TAOK1: variants seen among roughly 807,000 people sequenced by gnomAD.
TAOK1 encodes the protein serine/threonine-protein kinase TAO1.
A neutral mutation model predicts 138.3 loss-of-function variants in TAOK1; 21 were observed. The ratio of observed to expected loss-of-function variants is 0.15; its 90% CI spans 0.11 to 0.22. The LOEUF is 0.22. Among genes scored for constraint, TAOK1 ranks in the 10% least tolerant of loss-of-function variants. The probability of loss-of-function intolerance (pLI) is 1.00; values close to 1 mark genes in which losing one functional copy is unlikely to be tolerated. For missense variants in TAOK1, 651 were observed against 1,227.7 expected (o/e 0.53, Z 7.02); for synonymous variants, 361 against 398.4 (o/e 0.91, Z 1.12).
chr17:29,409,308 CATATATAT>C (rs1183993280), intron 1 of TAOK1, among the ~76,000 whole-genome samples: 12 of 79,492 alleles, frequency 1.5e-4, no homozygotes, highest in East Asian at 1.2e-3. Flanking sequence ...TTTTTATGGA[CATATATAT>C]ATATATATAT....
intron 2 of TAOK1, among the ~76,000 whole-genome samples, chr17:29,464,042 C>T (rs1184254811): frequency 6.6e-6 from 1 of 152,078 alleles, no homozygotes; most frequent in Admixed American, 6.6e-5. Context: ...TATATGATTA[C>T]ATTTGTATGA....
chr17:29,467,276 C>A, intron 3 of TAOK1, 60 bp downstream of exon 3: 2 of 1,101,478 alleles, frequency 1.8e-6, no homozygotes, highest in Non-Finnish European at 2.6e-6. Context: ...TAAATATATA[C>A]ATTCTTTTTT....
intron 1 of TAOK1, among the ~76,000 whole-genome samples, chr17:29,399,677 G>A (rs576862266): frequency 6.6e-6 from 1 of 152,116 alleles, no homozygotes; most frequent in Non-Finnish European, 1.5e-5. Context: ...AGAATATCAA[G>A]GTAGCTTAGT....
chr17:29,421,022 C>T (rs1905426425), intron 1 of TAOK1, among the ~76,000 whole-genome samples: 1 of 152,122 alleles, frequency 6.6e-6, no homozygotes, highest in East Asian at 1.9e-4. Context: ...CTCTGCCTCC[C>T]AGGTTCAAGT....
At chr17:29,535,330 T>A (rs2032204644) in intron 19 of TAOK1, among the ~76,000 whole-genome samples, 1 of 151,570 alleles carries the variant, frequency 6.6e-6, no homozygotes, top group South Asian at 2.1e-4. Flanking sequence ...AATAAATAAA[T>A]AAAACAGTGG....
At chr17:29,408,616 AAT>A (rs967022221) in intron 1 of TAOK1, among the ~76,000 whole-genome samples, 21 of 152,046 alleles carry the variant, frequency 1.4e-4, no homozygotes, top group African/African-American at 4.8e-4. Flanking sequence ...TCACTTTAAT[AAT>A]AGAGTAATTT....
intron 18 of TAOK1, among the ~76,000 whole-genome samples, chr17:29,531,290 A>T (rs570931071): frequency 3.1e-4 from 47 of 149,674 alleles, no homozygotes; most frequent in South Asian, 1.9e-3. Flanking sequence ...TTATTTATTT[A>T]TTTTTTTAGA....
chr17:29,399,839 C>G (rs963165815), intron 1 of TAOK1, among the ~76,000 whole-genome samples: 1 of 152,106 alleles, frequency 6.6e-6, no homozygotes, highest in Non-Finnish European at 1.5e-5. Flanking sequence ...TAGCGATCCT[C>G]TCACCTCAGC....
At chr17:29,538,618 A>G (rs1268961448) in intron 19 of TAOK1, among the ~76,000 whole-genome samples, 1 of 152,236 alleles carries the variant, frequency 6.6e-6, no homozygotes, top group Non-Finnish European at 1.5e-5. Flanking sequence ...CTGAAAATAA[A>G]TAGAAATGGA....
rs536451803 is a variant in TAOK1, at chr17:29,406,361, G to GA, written c.-95+15346dup. On this transcript the variant is annotated intron_variant, in intron 1 of 19. Coordinates refer to ENST00000261716, the MANE Select transcript of TAOK1 (RefSeq NM_020791.4). ...GGGAGTGAGATTTTATATGGGTCTTGAAAAAAAAATAAAAGTACAAAGGGT... is the reference window on the plus strand; with the variant it reads ...GGGAGTGAGATTTTATATGGGTCTTGAAAAAAAAAATAAAAGTACAAAGGGT... Among the ~76,000 whole-genome samples the GA allele has an allele frequency of 1.4e-3, 216 of 149,384 alleles. 1 individual carries two copies. Among genetic ancestry groups the GA allele is most frequent in the South Asian group, 6.6e-3 (31 of 4,712 alleles).
intron 1 of TAOK1, among the ~76,000 whole-genome samples, chr17:29,429,209 T>A (rs74612045): frequency 6.6e-6 from 1 of 152,324 alleles, no homozygotes; most frequent in African/African-American, 2.4e-5. Context: ...TTGTTTTTAC[T>A]TAATAATTTC....
At chr17:29,509,231 G>A (rs754941865) in intron 14 of TAOK1, among the ~76,000 whole-genome samples, 7 of 151,934 alleles carry the variant, frequency 4.6e-5, no homozygotes, top group African/African-American at 1.5e-4. Context: ...GTGCAGTGGT[G>A]TGATCTCAGC....
chr17:29,415,158 C>T (rs895889621), intron 1 of TAOK1, among the ~76,000 whole-genome samples: 4 of 151,896 alleles, frequency 2.6e-5, no homozygotes, highest in Admixed American at 6.6e-5. Flanking sequence ...TTAGTAGAGA[C>T]GGGGTTTCGT....
intron 1 of TAOK1, among the ~76,000 whole-genome samples, chr17:29,399,183 C>T (rs1420945308): frequency 2.0e-5 from 3 of 151,766 alleles, no homozygotes; most frequent in Non-Finnish European, 4.4e-5. Flanking sequence ...TGGGGTTTTG[C>T]CATGTTGCCT....
At chr17:29,528,602 G>C (rs946756378) in intron 17 of TAOK1, among the ~76,000 whole-genome samples, 4 of 151,996 alleles carry the variant, frequency 2.6e-5, no homozygotes. Context: ...CACTTTGGGA[G>C]GCCAAGGTGG....
chr17:29,495,749 C>G, intron 11 of TAOK1, 22 bp downstream of exon 11: 1 of 1,545,212 alleles, frequency 6.5e-7, no homozygotes, highest in South Asian at 1.3e-5. Context: ...AAAAATGACT[C>G]CAATATTGAA....
rs529246070 is a variant in TAOK1 at position 29,483,355 on chromosome 17, A to G, written c.655+1067A>G. 5.3e-5 allele frequency among the ~76,000 whole-genome samples: 8 copies of G among 152,248 alleles called. No homozygotes were observed. In the South Asian group the frequency reaches 1.7e-3, roughly 32 times the overall value. On this transcript the variant is annotated intron_variant, in intron 8 of 19. Transcript: ENST00000261716. Reference sequence around the variant, plus strand: ...AGCCTCCCGCAGTGGGGGGATTTCAAGCATGAGCCACTGCGCTCATCTAAA... The same window carrying G: ...AGCCTCCCGCAGTGGGGGGATTTCAGGCATGAGCCACTGCGCTCATCTAAA...
At chr17:29,482,047 T>C (rs977804796) in intron 7 of TAOK1, 150 bp from the exon 8 acceptor site, 1 of 562,346 alleles carries the variant, frequency 1.8e-6, no homozygotes, top group Non-Finnish European at 3.1e-6. Flanking sequence ...CAACCTGTAA[T>C]GCACTTAGTT....
At chr17:29,502,074 T>C (rs1598510340) in intron 12 of TAOK1, among the ~76,000 whole-genome samples, 1 of 152,300 alleles carries the variant, frequency 6.6e-6, no homozygotes, top group East Asian at 1.9e-4. Context: ...AATCTAGTCA[T>C]GTGCATTTTC....
Sources: gnomAD v4.1 joint callset for allele counts (sites outside exome capture counted in the v4.1 genomes callset) on GRCh38, gnomAD v4.1.1 for gene constraint, MANE v1.5 for transcripts, NCBI Gene and HGNC (gene_info 2026-07-23, HGNC 2026-07-21) for gene names.